PCDHA7: variants seen among roughly 807,000 people sequenced by gnomAD.
PCDHA7 encodes the protein protocadherin alpha-7.
A neutral mutation model predicts 57.2 loss-of-function variants in PCDHA7; 37 were observed. The observed-to-expected ratio is 0.65, with a 90% CI of 0.50 to 0.85. The LOEUF is 0.85. Among genes scored for constraint, PCDHA7 ranks in the 40% least tolerant of loss-of-function variants. PCDHA7 has a pLI of 0.00. For synonymous variants in PCDHA7, 553 were observed against 558.8 expected (o/e 0.99, Z 0.15); for missense variants, 1,188 against 1,241.8 (o/e 0.96, Z 0.65).
At chr5:140,966,962 G>T (rs370831122) in intron 1 of PCDHA7, 4 of 1,602,632 alleles carry the variant, frequency 2.5e-6, no homozygotes, top group Non-Finnish European at 3.4e-6. Context: ...TCGCGCGCTG[G>T]GGCTTGAGCT....
chr5:140,982,917 C>T (rs2097016226), intron 3 of PCDHA7, among the ~76,000 whole-genome samples: 1 of 151,626 alleles, frequency 6.6e-6, no homozygotes, highest in Non-Finnish European at 1.5e-5. Context: ...ACAGAGATGA[C>T]ACTGTTAACA....
intron 3 of PCDHA7, among the ~76,000 whole-genome samples, chr5:141,007,858 G>A (rs376865557): frequency 6.6e-6 from 1 of 152,116 alleles, no homozygotes; most frequent in African/African-American, 2.4e-5. Context: ...GTCCTTAAAG[G>A]TCTTTTCCTT....
chr5:140,946,297 T>C (rs1238627119), intron 1 of PCDHA7, among the ~76,000 whole-genome samples: 5 of 151,730 alleles, frequency 3.3e-5, no homozygotes, highest in Non-Finnish European at 7.4e-5. Flanking sequence ...ACCTCACACC[T>C]GGTAGAATGG....
At chr5:140,860,712 GA>G (rs1321036052) in intron 1 of PCDHA7, 1 of 152,188 alleles carries the variant, frequency 6.6e-6, no homozygotes, top group African/African-American at 2.4e-5. Flanking sequence ...TGTTCTCCAT[GA>G]AAAGTTTTTT....
intron 1 of PCDHA7, chr5:140,967,709 G>A (rs1554229820): frequency 3.1e-6 from 5 of 1,614,022 alleles, no homozygotes; most frequent in Admixed American, 3.3e-5. Flanking sequence ...TGCCAGTACC[G>A]GGGAAGTGCG....
At chr5:140,928,810 G>T (rs143843461) in intron 1 of PCDHA7, 1 of 1,614,106 alleles carries the variant, frequency 6.2e-7, no homozygotes. Context: ...AGTGGTTCGG[G>T]ACCATGGAGA....
chr5:141,002,614 T>C (rs2098088159), intron 3 of PCDHA7, among the ~76,000 whole-genome samples: 1 of 152,130 alleles, frequency 6.6e-6, no homozygotes, highest in Non-Finnish European at 1.5e-5. Context: ...AACAGACACA[T>C]AACACAGACA....
chr5:140,873,453 A>G (rs1454430298), intron 1 of PCDHA7, among the ~76,000 whole-genome samples: 2 of 152,180 alleles, frequency 1.3e-5, no homozygotes, highest in Non-Finnish European at 2.9e-5. Context: ...ACAAATTTGC[A>G]TTTTAGATAA....
chr5:140,985,739 C>CTTTT (rs11372071), intron 3 of PCDHA7, among the ~76,000 whole-genome samples: 9 of 117,918 alleles, frequency 7.6e-5, no homozygotes, highest in East Asian at 2.5e-4. Flanking sequence ...TGATGAATTC[C>CTTTT]TTTTTTTTTT....
In PCDHA7 at chr5:140,968,743, C is replaced by G. The variant is rs112674082; in HGVS notation, c.2356-10206C>G. Reference sequence around the variant, plus strand: ...AGAGTGGTAGCACTTTCAACCTGACCGTGGTGGTCCGAGATAATGGAGAGC... The same window carrying G: ...AGAGTGGTAGCACTTTCAACCTGACGGTGGTGGTCCGAGATAATGGAGAGC... On this transcript the variant is annotated intron_variant, in intron 1 of 3. Transcript: ENST00000525929. 10 of 1,614,060 alleles carry G rather than the reference C, an allele frequency of 6.2e-6. No homozygotes were observed. The South Asian group carries it at 9.9e-5, about 16-fold the overall frequency.
At chr5:140,841,846 T>C (rs2150323998) in intron 1 of PCDHA7, 5 of 1,613,898 alleles carry the variant, frequency 3.1e-6, no homozygotes, top group Non-Finnish European at 4.2e-6. Context: ...TTAGCTCTCA[T>C]GATTACTTCA....
In PCDHA7 at chr5:140,858,436, G is replaced by A. The variant is rs781811192; in HGVS notation, c.2355+21698G>A. 9 of 1,542,522 alleles carry A rather than the reference G, an allele frequency of 5.8e-6. 1 individual carries two copies. In the South Asian group the frequency reaches 1.1e-4, roughly 18 times the overall value. ...CTATTGGAGGGGACCACTCTAGGAA[G>A]GTGGGTTATTACGTTTTCATTTTCC... On this transcript the variant is annotated intron_variant, in intron 1 of 3. Coordinates refer to ENST00000525929, the MANE Select transcript of PCDHA7 (RefSeq NM_018910.3).
At chr5:140,979,257 C>T (rs1454477008) in intron 2 of PCDHA7, among the ~76,000 whole-genome samples, 1 of 152,194 alleles carries the variant, frequency 6.6e-6, no homozygotes, top group Non-Finnish European at 1.5e-5. Flanking sequence ...TATGTATTTT[C>T]TCCCATCAAA....
chr5:140,933,739 G>A (rs531821370), intron 1 of PCDHA7, among the ~76,000 whole-genome samples: 18 of 151,856 alleles, frequency 1.2e-4, no homozygotes, highest in Admixed American at 3.9e-4. Flanking sequence ...TTAAATATTT[G>A]GTAGAATTCA....
chr5:140,948,986 T>C (rs2094331337), intron 1 of PCDHA7, among the ~76,000 whole-genome samples: 1 of 151,752 alleles, frequency 6.6e-6, no homozygotes, highest in Non-Finnish European at 1.5e-5. Context: ...ACTGCTTTAT[T>C]TGCATTTTAC....
At chr5:140,882,108 A>T in intron 1 of PCDHA7, 4 of 1,370,912 alleles carry the variant, frequency 2.9e-6, no homozygotes, top group Non-Finnish European at 3.9e-6. Context: ...TCCGCGAAGA[A>T]AGCCGCCGTT....
At chr5:140,838,854 C>T (rs1775911734) in intron 1 of PCDHA7, among the ~76,000 whole-genome samples, 1 of 151,798 alleles carries the variant, frequency 6.6e-6, no homozygotes, top group African/African-American at 2.4e-5. Flanking sequence ...CCAGGGAGGT[C>T]CAAGCTGCAG....
Position 140,836,001 on chromosome 5 carries a change from G to T in PCDHA7, c.1618G>T (p.Ala540Ser), listed in dbSNP as rs1405342443. 5 of 1,613,350 alleles carry T rather than the reference G, an allele frequency of 3.1e-6. No homozygotes were observed. The highest frequency in any genetic ancestry group is 2.7e-5 in the African/African-American group (2 of 75,024). Reference sequence around the variant, plus strand: ...GCAGTTCCAGGTGAGCGCGCGCGATGCGGGCGTGCCGCCTCTGGGCAGCAA... The same window carrying T: ...GCAGTTCCAGGTGAGCGCGCGCGATTCGGGCGTGCCGCCTCTGGGCAGCAA... ...LLQFQVSARD[A>S]GVPPLGSNVT... Residue 540 changes from alanine to serine, a missense_variant, in exon 1 of 4, where the codon GCG (alanine) becomes TCG (serine). By Grantham distance (99) the Ala-to-Ser change is moderately conservative. Around this residue, in one of 3 missense-constraint regions of PCDHA7, gnomAD observed 892 missense variants for 788.5 expected, o/e 1.13. Transcript: ENST00000525929.
At chr5:140,903,370 G>A (rs1185137848) in intron 1 of PCDHA7, among the ~76,000 whole-genome samples, 8 of 152,136 alleles carry the variant, frequency 5.3e-5, no homozygotes, top group African/African-American at 1.9e-4. Flanking sequence ...AAAAATATAG[G>A]GAGGATTGTG....
Sources: allele counts gnomAD v4.1 joint callset (sites outside exome capture counted in the v4.1 genomes callset), GRCh38; gene constraint gnomAD v4.1.1; regional missense constraint gnomAD v4.1.1; transcripts MANE v1.5; gene names NCBI Gene and HGNC (gene_info 2026-07-23, HGNC 2026-07-21).